The following PPP4R3B variants were observed in gnomAD, a reference collection of about 807,000 sequenced individuals.
PPP4R3B encodes the protein serine/threonine-protein phosphatase 4 regulatory subunit 3B.
Under a neutral mutation model 95.4 loss-of-function variants are expected in PPP4R3B, and 52 were observed. That is an observed-to-expected ratio of 0.54 (90% CI 0.44 to 0.69). The LOEUF is 0.69. Ranked by LOEUF, PPP4R3B falls within the 30% of genes least tolerant of loss-of-function variation. The pLI is 0.00. For missense variants in PPP4R3B, 1,003 were observed against 1,005.9 expected (o/e 1.00, Z 0.04); for synonymous variants, 407 against 343.9 (o/e 1.18, Z -2.03).
chr2:55,585,558 C>T (rs1690026296), intron 6 of PPP4R3B, among the ~76,000 whole-genome samples: 1 of 152,090 alleles, frequency 6.6e-6, no homozygotes, highest in Non-Finnish European at 1.5e-5. Context: ...TGCCTTTTGT[C>T]CTGATTTTGC....
In PPP4R3B at chr2:55,549,867, G is replaced by T; in HGVS notation, c.*44C>A. 1.4e-6 allele frequency: 2 copies of T among 1,384,244 alleles called. No individual in the cohort carries two copies. The highest frequency in any genetic ancestry group is 2.1e-6 in the Non-Finnish European group (2 of 971,080). The allele number at this position is 1,384,244 out of a possible 1,614,324, so 85.7% of individuals were successfully genotyped here. On this transcript the variant is annotated 3_prime_UTR_variant, in exon 17 of 17. Coordinates refer to ENST00000616407, the MANE Select transcript of PPP4R3B (RefSeq NM_001122964.3). The stretch of plus-strand genomic sequence containing the variant: ...CAGATTTTCAGCTCACTGAACAGTT[G>T]CAGCATTGTAAGACCACATGTTGAG...
chr2:55,589,741 C>G (rs940296095), intron 4 of PPP4R3B, among the ~76,000 whole-genome samples: 3 of 151,154 alleles, frequency 2.0e-5, no homozygotes, highest in African/African-American at 7.3e-5. Flanking sequence ...TGGTAAAACC[C>G]TGTCTCTACT....
chr2:55,601,306 T>G (rs904646469), intron 3 of PPP4R3B, among the ~76,000 whole-genome samples: 1 of 152,118 alleles, frequency 6.6e-6, no homozygotes, highest in African/African-American at 2.4e-5. Context: ...TGGGAGCCTG[T>G]AAGCTTTGAA....
In PPP4R3B at chr2:55,579,757, T is replaced by A; in HGVS notation, c.1390A>T (p.Asn464Tyr). ...TGCATACAATGGTTGTAGAAAAAAT[T>A]TAGAAATTCACTTTTTTCGGTTTTC... ...TNKTEKSEFL[N>Y]FFYNHCMHVL... The change falls in exon 9 of 17, where the codon AAT (asparagine) becomes TAT (tyrosine). Residue 464 changes from asparagine to tyrosine, a missense_variant. Asn to Tyr is a moderately radical substitution (Grantham distance 143, BLOSUM62 -2). Coordinates refer to ENST00000616407, the MANE Select transcript of PPP4R3B (RefSeq NM_001122964.3). The A allele has an allele frequency of 1.2e-6, 2 of 1,606,806 alleles. No individual in the cohort carries two copies. Among genetic ancestry groups the A allele is most frequent in the Non-Finnish European group, 1.7e-6 (2 of 1,177,348 alleles).
chr2:55,565,035 T>C lies in PPP4R3B; in HGVS notation c.1942A>G (p.Ile648Val). ...ACTATATGGGCAGTAAGAGACTTGATATCTTCCTGTATAAGCACAAAATTT... is the reference window on the plus strand; with the variant it reads ...ACTATATGGGCAGTAAGAGACTTGACATCTTCCTGTATAAGCACAAAATTT... ...ELFEFIRVED[I>V]KSLTAHIVEN... Residue 648 changes from isoleucine (I) to valine (V), a missense_variant, in exon 14 of 17, where the codon ATC becomes GTC. Ile to Val is a conservative substitution (Grantham distance 29, BLOSUM62 3). Coordinates refer to ENST00000616407, the MANE Select transcript of PPP4R3B (RefSeq NM_001122964.3). The C allele has an allele frequency of 6.4e-7, 1 of 1,572,112 alleles. No individual in the cohort carries two copies. The highest frequency in any genetic ancestry group is 8.6e-7 in the Non-Finnish European group (1 of 1,163,192).
intron 11 of PPP4R3B, among the ~76,000 whole-genome samples, chr2:55,574,567 A>C (rs1163441015): frequency 1.3e-5 from 2 of 152,082 alleles, no homozygotes; most frequent in Non-Finnish European, 2.9e-5. Flanking sequence ...GGCTGTTTGA[A>C]TATCAAGTAA....
intron 3 of PPP4R3B, among the ~76,000 whole-genome samples, chr2:55,600,905 T>C (rs1275465952): frequency 6.6e-6 from 1 of 152,162 alleles, no homozygotes; most frequent in Non-Finnish European, 1.5e-5. Context: ...ATGCCTGTAA[T>C]CCCAGCACTT....
chr2:55,582,793 C>A lies in PPP4R3B; in HGVS notation c.1234-1095G>T, dbSNP rs190883248. On this transcript the variant is annotated intron_variant, in intron 7 of 16. Transcript: ENST00000616407. ...AATGTTACCATATCTAAAAAATTAA[C>A]CTAAGATTTTATTATTAAATGAGAA... Among the ~76,000 whole-genome samples the A allele has an allele frequency of 3.0e-3, 454 of 152,022 alleles. 2 individuals are homozygous for A. The highest frequency in any genetic ancestry group is 4.0e-3 in the Non-Finnish European group (273 of 67,990).
rs1018793674 is a variant in PPP4R3B at position 55,578,356 on chromosome 2, T to C, written c.1469-14A>G. 2.9e-6 allele frequency: 4 copies of C among 1,361,512 alleles called. No homozygotes were observed. The highest frequency in any genetic ancestry group is 3.2e-5 in the Admixed American group (1 of 31,546). 84.3% of individuals were successfully genotyped at this position (1,361,512 alleles called of 1,614,324 possible). On this transcript the variant is annotated splice_polypyrimidine_tract_variant and intron_variant, in intron 9 of 16. Coordinates refer to ENST00000616407, the MANE Select transcript of PPP4R3B (RefSeq NM_001122964.3). ...TTAAAAAAAAATCTGAAAAAAAATA[T>C]GGCAAGTTAGTTTTGATAAAGCCAA...
chr2:55,596,679 T>C (rs754280848), intron 4 of PPP4R3B, among the ~76,000 whole-genome samples: 19 of 152,198 alleles, frequency 1.2e-4, no homozygotes, highest in African/African-American at 2.2e-4. Context: ...TATAGCTGCA[T>C]TGGCCAGGTG....
At chr2:55,588,038 CTCAT>C (rs1026170775) in intron 5 of PPP4R3B, among the ~76,000 whole-genome samples, 2 of 152,118 alleles carry the variant, frequency 1.3e-5, no homozygotes, top group African/African-American at 4.8e-5. Context: ...CCCTTCTCAT[CTCAT>C]TATGTTTGAA....
chr2:55,614,288 T>C (rs1694599299), intron 2 of PPP4R3B: 2 of 152,148 alleles, frequency 1.3e-5, no homozygotes, highest in Non-Finnish European at 2.9e-5. Flanking sequence ...CCTAAAATAA[T>C]TTATCTTCCT....
chr2:55,617,381 G>T lies in PPP4R3B; in HGVS notation c.-96C>A. On this transcript the variant is annotated 5_prime_UTR_variant, in exon 1 of 17. Coordinates refer to ENST00000616407, the MANE Select transcript of PPP4R3B (RefSeq NM_001122964.3). ...AGACGGTAAAGGCAGTAGTGGCGGTGGCGGCGGCGGCGGCTTCGGAGAGGC... is the reference window on the plus strand; with the variant it reads ...AGACGGTAAAGGCAGTAGTGGCGGTTGCGGCGGCGGCGGCTTCGGAGAGGC... The T allele has an allele frequency of 2.3e-6, 3 of 1,300,460 alleles. No individual in the cohort carries two copies. The highest frequency in any genetic ancestry group is 3.0e-6 in the Non-Finnish European group (3 of 998,724). The allele number at this position is 1,300,460 out of a possible 1,614,324, so 80.6% of individuals were successfully genotyped here.
chr2:55,564,438 T>A lies in PPP4R3B; in HGVS notation c.2135A>T (p.Asp712Val). ...FRRDAKALEEDEEMWFNEDEE... is the reference protein window; with the variant it reads ...FRRDAKALEEVEEMWFNEDEE... ...ATCTTCATTAAACCACATTTCTTCA[T>A]CCTCTTCCAAGGCTTTTGCATCTCT... The change falls in exon 15 of 17, where the codon GAT becomes GTT. Residue 712 changes from aspartate to valine, a missense_variant. By Grantham distance (152) the Asp-to-Val change is radical. Coordinates refer to ENST00000616407, the MANE Select transcript of PPP4R3B (RefSeq NM_001122964.3). 1 of 1,613,708 alleles carries A rather than the reference T, an allele frequency of 6.2e-7. No homozygotes were observed. The highest frequency in any genetic ancestry group is 8.5e-7 in the Non-Finnish European group (1 of 1,179,842).
chr2:55,566,066 G>A (rs1237620120), intron 13 of PPP4R3B, among the ~76,000 whole-genome samples: 1 of 151,834 alleles, frequency 6.6e-6, no homozygotes, highest in Non-Finnish European at 1.5e-5. Context: ...TGCATGCCCA[G>A]TAGGCTTATT....
At chr2:55,584,634 A>T (rs1230504947) in intron 7 of PPP4R3B, among the ~76,000 whole-genome samples, 1 of 152,208 alleles carries the variant, frequency 6.6e-6, no homozygotes, top group Non-Finnish European at 1.5e-5. Flanking sequence ...CACTTAGAAA[A>T]ATAGTCTCCA....
Position 55,564,384 on chromosome 2 carries a change from G to C in PPP4R3B, c.2189C>G (p.Ala730Gly). The C allele has an allele frequency of 6.2e-7, 1 of 1,613,806 alleles. No individual in the cohort carries two copies. Among genetic ancestry groups the C allele is most frequent in the South Asian group, 1.1e-5 (1 of 91,048 alleles). ...DEEEEGKAVV[A>G]PVEKPKPEDD... ...TTCTGGCTTAGGTTTTTCCACTGGTGCCACAACTGCTTTTCCTTCCTCTTC... is the reference window on the plus strand; with the variant it reads ...TTCTGGCTTAGGTTTTTCCACTGGTCCCACAACTGCTTTTCCTTCCTCTTC... The change falls in exon 15 of 17, where the codon GCA becomes GGA. Residue 730 changes from alanine (A) to glycine (G), a missense_variant. Physicochemically the swap from Ala to Gly is moderately conservative, Grantham distance 60 (BLOSUM62 0). Around this residue, in one of 3 missense-constraint regions of PPP4R3B, gnomAD observed 229 missense variants for 194.7 expected, o/e 1.18. Coordinates refer to ENST00000616407, the MANE Select transcript of PPP4R3B (RefSeq NM_001122964.3).
At chr2:55,591,218 C>A (rs1237990751) in intron 4 of PPP4R3B, among the ~76,000 whole-genome samples, 2 of 151,520 alleles carry the variant, frequency 1.3e-5, no homozygotes, top group Non-Finnish European at 2.9e-5. Flanking sequence ...CTCAGTGTAG[C>A]CTCGACCTCC....
At chr2:55,597,866 A>G (rs142168096) in intron 4 of PPP4R3B, among the ~76,000 whole-genome samples, 47 of 152,326 alleles carry the variant, frequency 3.1e-4, no homozygotes, top group African/African-American at 1.1e-3. Flanking sequence ...TTCTACCTCA[A>G]TTTTAGAAAC....
Sources: allele counts gnomAD v4.1 joint callset (sites outside exome capture counted in the v4.1 genomes callset), GRCh38; gene constraint gnomAD v4.1.1; regional missense constraint gnomAD v4.1.1; transcripts MANE v1.5; gene names NCBI Gene and HGNC (gene_info 2026-07-23, HGNC 2026-07-21).